IFI44L: variants seen among roughly 807,000 people sequenced by gnomAD.
IFI44L encodes the protein interferon-induced protein 44-like.
IFI44L carries 40 observed loss-of-function variants against 39.3 expected under a neutral mutation model. That is an observed-to-expected ratio of 1.02 (90% CI 0.79 to 1.33). The LOEUF is 1.33. IFI44L is among the 40% of genes most tolerant of loss of function. IFI44L has a pLI of 0.00. For missense variants in IFI44L, 623 were observed against 549.0 expected (o/e 1.13, Z -1.35); for synonymous variants, 198 against 182.3 (o/e 1.09, Z -0.69).
At chr1:78,625,851 A>C (rs1269359135) in intron 1 of IFI44L, 1 of 151,838 alleles carries the variant, frequency 6.6e-6, no homozygotes, top group East Asian at 1.9e-4. Flanking sequence ...CATTTAATTA[A>C]ATTTCATTAT....
intron 4 of IFI44L, among the ~76,000 whole-genome samples, chr1:78,630,863 G>A (rs915832995): frequency 2.8e-4 from 43 of 151,830 alleles, no homozygotes; most frequent in Admixed American, 1.3e-3. Flanking sequence ...GGCAAGGTAC[G>A]GCAGCACAAA....
At position 78,628,048 on chromosome 1, in the gene IFI44L, A is replaced by G. The variant is rs1557683559; in HGVS notation, c.133A>G (p.Ser45Gly). The G allele has an allele frequency of 6.2e-7, 1 of 1,613,186 alleles. No homozygotes were observed. The highest frequency in any genetic ancestry group is 1.1e-5 in the South Asian group (1 of 91,044). Reference protein sequence around the residue: ...GSIEDMVERCSRQGCTITMAY... With the variant: ...GSIEDMVERCGRQGCTITMAY... ...CATTGAAGATATGGTTGAAAGATGC[A>G]GCCGTCAGGGATGTACTATAACAAT... The change falls in exon 2 of 9, where the codon AGC becomes GGC. Residue 45 changes from serine to glycine, a missense_variant. Physicochemically the swap from Ser to Gly is moderately conservative, Grantham distance 56. Coordinates refer to ENST00000370751, the MANE Select transcript of IFI44L (RefSeq NM_006820.4).
At chr1:78,636,711 C>A in intron 5 of IFI44L, 2 of 235,740 alleles carry the variant, frequency 8.5e-6, no homozygotes, top group South Asian at 1.6e-4. Context: ...ATTTAACAAA[C>A]GTTAATGGTG....
At chr1:78,629,286 C>T (rs2100486008) in intron 3 of IFI44L, among the ~76,000 whole-genome samples, 1 of 152,234 alleles carries the variant, frequency 6.6e-6, no homozygotes, top group East Asian at 1.9e-4. Context: ...CCTTGAGAAA[C>T]AGCTTTTGAG....
At position 78,628,258 on chromosome 1, in the gene IFI44L, C is replaced by A; in HGVS notation, c.343C>A (p.Arg115Ser). Reference protein sequence around the residue: ...PKIIDEQLVCRLSKTDIFIIC... With the variant: ...PKIIDEQLVCSLSKTDIFIIC... ...AATTATTGATGAGCAACTGGTGTGT[C>A]GTTTATCGAAAACGGATATTTTCAT... Residue 115 changes from arginine (R) to serine (S), a missense_variant, in exon 2 of 9, where the codon CGT becomes AGT. Physicochemically the swap from Arg to Ser is moderately radical, Grantham distance 110. Transcript: ENST00000370751. The A allele has an allele frequency of 6.2e-7, 1 of 1,610,826 alleles. No individual in the cohort carries two copies. Among genetic ancestry groups the A allele is most frequent in the South Asian group, 1.1e-5 (1 of 90,690 alleles).
At position 78,628,225 on chromosome 1, in the gene IFI44L, G is replaced by A. The variant is rs34932081; in HGVS notation, c.310G>A (p.Ala104Thr). Residue 104 changes from alanine to threonine, a missense_variant, in exon 2 of 9, where the codon GCA becomes ACA. Ala to Thr is a moderately conservative substitution (Grantham distance 58). Coordinates refer to ENST00000370751, the MANE Select transcript of IFI44L (RefSeq NM_006820.4). ...TEIETLLLNT[A>T]PKIIDEQLVC... ...AATAGAAACTTTACTCTTAAATACA[G>A]CACCAAAAATTATTGATGAGCAACT... 44,714 of 1,612,260 alleles carry A rather than the reference G, an allele frequency of 0.028. 920 individuals carry two copies. Among genetic ancestry groups the A allele is most frequent in the East Asian group, 0.1 (4,644 of 44,704 alleles).
chr1:78,637,245 A>G lies in IFI44L; in HGVS notation c.1048+42A>G, dbSNP rs1362122881. 7 of 1,439,738 alleles carry G rather than the reference A, an allele frequency of 4.9e-6. No individual in the cohort carries two copies. The Admixed American group carries it at 1.1e-4, about 22-fold the overall frequency. The allele number at this position is 1,439,738 out of a possible 1,614,324, so 89.2% of individuals were successfully genotyped here. A position where few individuals can be genotyped will look rare whatever the true frequency, so the allele number is the denominator to read the frequency against. On this transcript the variant is annotated intron_variant, in intron 6 of 8. Coordinates refer to ENST00000370751, the MANE Select transcript of IFI44L (RefSeq NM_006820.4). ...TTATAAAAAAATTTACTTTGAAATA[A>G]TTATAGATTTGTAGGAAGTTGCAAA...
Position 78,643,165 on chromosome 1 carries a change from C to T in IFI44L, c.*1356C>T, listed in dbSNP as rs2100405179. On this transcript the variant is annotated 3_prime_UTR_variant, in exon 9 of 9. Coordinates refer to ENST00000370751, the MANE Select transcript of IFI44L (RefSeq NM_006820.4). ...TTAAGAAAGCAAGAGTTTCTTATGT[C>T]CAGTTATGGAATATTTCCTAAAGCA... 8.4e-6 allele frequency: 1 copy of T among 119,650 alleles called. No homozygotes were observed. Among genetic ancestry groups the T allele is most frequent in the Middle Eastern group, 4.0e-3 (1 of 250 alleles). The allele number at this position is 119,650 out of a possible 1,614,324, so 7.4% of individuals were successfully genotyped here. A position where few individuals can be genotyped will look rare whatever the true frequency, so the allele number is the denominator to read the frequency against.
Position 78,641,859 on chromosome 1 carries a change from G to T in IFI44L, c.*50G>T, listed in dbSNP as rs569746809. ...TTGGCCCAGCCTGTACTGGTGTGCCGCAATGAGAGTCAATCTCTATTGACA... is the reference window on the plus strand; with the variant it reads ...TTGGCCCAGCCTGTACTGGTGTGCCTCAATGAGAGTCAATCTCTATTGACA... On this transcript the variant is annotated 3_prime_UTR_variant, in exon 9 of 9. Transcript: ENST00000370751. The T allele has an allele frequency of 3.0e-5, 47 of 1,568,426 alleles. No homozygotes were observed. The highest frequency in any genetic ancestry group is 1.0e-4 in the South Asian group (9 of 90,148).
intron 6 of IFI44L, among the ~76,000 whole-genome samples, chr1:78,640,258 A>G (rs1646966623): frequency 6.6e-6 from 1 of 152,130 alleles, no homozygotes; most frequent in African/African-American, 2.4e-5. Flanking sequence ...ATTTTGAAAC[A>G]GAAGAATTAC....
chr1:78,639,183 C>T (rs79902304), intron 6 of IFI44L, among the ~76,000 whole-genome samples: 43 of 152,150 alleles, frequency 2.8e-4, no homozygotes, highest in Non-Finnish European at 4.9e-4. Flanking sequence ...GCTGCTGATT[C>T]GGTGGAAGTC....
chr1:78,637,050 A>G lies in IFI44L; in HGVS notation c.895A>G (p.Ile299Val). Reference sequence around the variant, plus strand: ...ATAACAGTTTAATTCCCGTAAACCAATTACACCTGAGCATTCTACTTTTAT... The same window carrying G: ...ATAACAGTTTAATTCCCGTAAACCAGTTACACCTGAGCATTCTACTTTTAT... ...DRYQFNSRKP[I>V]TPEHSTFITS... The change falls in exon 6 of 9, where the codon ATT becomes GTT. Residue 299 changes from isoleucine to valine, a missense_variant. Coordinates refer to ENST00000370751, the MANE Select transcript of IFI44L (RefSeq NM_006820.4). 6.2e-7 allele frequency: 1 copy of G among 1,611,514 alleles called. No homozygotes were observed. Among genetic ancestry groups the G allele is most frequent in the Non-Finnish European group, 8.5e-7 (1 of 1,178,096 alleles).
chr1:78,635,709 C>T, intron 5 of IFI44L: 1 of 537,918 alleles, frequency 1.9e-6, no homozygotes, highest in Non-Finnish European at 3.2e-6. Flanking sequence ...GGATTCTACT[C>T]ATTTGCATTC....
rs770275936 is a variant in IFI44L, at chr1:78,628,291, C to A, written c.376C>A (p.Arg126=). 6.2e-7 allele frequency: 1 copy of A among 1,603,608 alleles called. No individual in the cohort carries two copies. The highest frequency in any genetic ancestry group is 1.3e-5 in the African/African-American group (1 of 74,560). The change falls in exon 2 of 9, where the codon CGA becomes AGA. Residue 126 remains arginine (R), a synonymous_variant. Transcript: ENST00000370751. ...GAAAACGGATATTTTCATTATATGT[C>A]GAGATAATAAAATTTATCTAGATAA... ...LSKTDIFIIC[R]DNKIYLDKMI... is the part of the protein sequence containing the mutation.
In IFI44L at chr1:78,637,063, A is replaced by G; in HGVS notation, c.908A>G (p.His303Arg). The G allele has an allele frequency of 6.2e-7, 1 of 1,612,226 alleles. No individual in the cohort carries two copies. The highest frequency in any genetic ancestry group is 8.5e-7 in the Non-Finnish European group (1 of 1,178,526). ...FNSRKPITPE[H>R]STFITSPSLK... ...TCCCGTAAACCAATTACACCTGAGC[A>G]TTCTACTTTTATCACCTCTCCATCT... The change falls in exon 6 of 9, where the codon CAT (histidine) becomes CGT (arginine). Residue 303 changes from histidine to arginine, a missense_variant. His to Arg is a conservative substitution (Grantham distance 29). Transcript: ENST00000370751.
chr1:78,624,573 G>GC (rs1311423635), intron 1 of IFI44L, among the ~76,000 whole-genome samples: 3 of 152,104 alleles, frequency 2.0e-5, no homozygotes, highest in Non-Finnish European at 4.4e-5. Context: ...GGAATGCCCT[G>GC]TATATGCCTA....
chr1:78,639,657 A>T (rs1341627806), intron 6 of IFI44L, among the ~76,000 whole-genome samples: 2 of 152,096 alleles, frequency 1.3e-5, no homozygotes, highest in Non-Finnish European at 2.9e-5. Flanking sequence ...ATTTATGCAT[A>T]ATGTCCAGAG....
chr1:78,631,420 G>A (rs1013456987), intron 4 of IFI44L: 49 of 152,210 alleles, frequency 3.2e-4, no homozygotes, highest in African/African-American at 1.1e-3. Flanking sequence ...GGCCCAATGA[G>A]AGCTTTTGAT....
rs972595128 is a variant in IFI44L at position 78,645,439 on chromosome 1, A to C, written c.*3630A>C. 2.0e-5 allele frequency: 3 copies of C among 152,202 alleles called. No individual in the cohort carries two copies. Among genetic ancestry groups the C allele is most frequent in the Admixed American group, 2.0e-4 (3 of 15,274 alleles). The allele number at this position is 152,202 out of a possible 1,614,324, so 9.4% of individuals were successfully genotyped here. ...TGTGTAAACTTGTGTCTTGTTTAGA[A>C]AGATAAATTTAAAGACTATCACATT... On this transcript the variant is annotated 3_prime_UTR_variant, in exon 9 of 9. Coordinates refer to ENST00000370751, the MANE Select transcript of IFI44L (RefSeq NM_006820.4).
Sources: allele counts gnomAD v4.1 joint callset (sites outside exome capture counted in the v4.1 genomes callset), GRCh38; gene constraint gnomAD v4.1.1; transcripts MANE v1.5; gene names NCBI Gene and HGNC (gene_info 2026-07-23, HGNC 2026-07-21).